The following ELAPOR2 variants were observed in gnomAD, a reference collection of about 807,000 sequenced individuals.
ELAPOR2 encodes endosome/lysosome-associated apoptosis and autophagy regulator family member 2.
Under a neutral mutation model 120.7 loss-of-function variants are expected in ELAPOR2, and 89 were observed. The observed-to-expected ratio is 0.74, with a 90% CI of 0.62 to 0.88. ELAPOR2 has a LOEUF of 0.88. ELAPOR2 is among the 40% of genes least tolerant of loss of function. The pLI is 0.00. For missense variants in ELAPOR2, 1,134 were observed against 1,251.6 expected, an observed-to-expected ratio of 0.91 and a Z score of 1.42; for synonymous variants, 444 against 444.9, an observed-to-expected ratio of 1.00 and a Z score of 0.03.
At chr7:86,984,280 G>C (rs1415159878) in intron 1 of ELAPOR2, among the ~76,000 whole-genome samples, 1 of 152,118 alleles carries the variant, frequency 6.6e-6, no homozygotes. Flanking sequence ...AGATCAATGA[G>C]ACAGAAGGTT....
chr7:86,996,857 G>C (rs141200730), intron 1 of ELAPOR2, among the ~76,000 whole-genome samples: 3,028 of 152,218 alleles, frequency 0.02, 39 homozygotes, highest in Middle Eastern at 0.041. Context: ...TTTTATCCTA[G>C]ATACATTCTG....
intron 2 of ELAPOR2, among the ~76,000 whole-genome samples, chr7:86,948,702 TACG>T (rs1791107573): frequency 6.6e-6 from 1 of 151,894 alleles, no homozygotes; most frequent in Non-Finnish European, 1.5e-5. Flanking sequence ...AGATACTAGA[TACG>T]ACAATGTGAA....
chr7:86,880,853 G>A (rs1195029738), intron 21 of ELAPOR2, among the ~76,000 whole-genome samples: 1 of 151,478 alleles, frequency 6.6e-6, no homozygotes, highest in African/African-American at 2.4e-5. Flanking sequence ...CCTGACCTGA[G>A]TGCTGAAATC....
intron 1 of ELAPOR2, among the ~76,000 whole-genome samples, chr7:86,985,170 T>A (rs1210105474): frequency 6.6e-6 from 1 of 152,132 alleles, no homozygotes; most frequent in Admixed American, 6.5e-5. Context: ...AATAGACCAA[T>A]AACAGGCTCT....
intron 18 of ELAPOR2, 83 bp downstream of exon 18, chr7:86,907,587 T>C (rs1422720665): frequency 2.2e-5 from 19 of 880,204 alleles, no homozygotes; most frequent in African/African-American, 3.6e-5. Flanking sequence ...TTTATGTTCA[T>C]AGAGAATATG....
At chr7:87,033,784 AT>A in intron 1 of ELAPOR2, among the ~76,000 whole-genome samples, 1 of 152,118 alleles carries the variant, frequency 6.6e-6, no homozygotes, top group Middle Eastern at 3.4e-3. Context: ...TACAAAAAAA[AT>A]CAATAGTGTA....
At chr7:87,012,856 C>A (rs1015803942) in intron 1 of ELAPOR2, among the ~76,000 whole-genome samples, 2 of 152,170 alleles carry the variant, frequency 1.3e-5, no homozygotes, top group Non-Finnish European at 2.9e-5. Flanking sequence ...CAGCCTGCCA[C>A]TGCTGTGTGA....
intron 12 of ELAPOR2, among the ~76,000 whole-genome samples, chr7:86,918,187 GC>G (rs1789651737): frequency 2.0e-5 from 3 of 151,284 alleles, no homozygotes; most frequent in African/African-American, 7.3e-5. Context: ...ATATTCCCTG[GC>G]CTCTATCAGT....
chr7:86,898,614 C>G (rs1349764002), intron 18 of ELAPOR2, among the ~76,000 whole-genome samples: 1 of 144,862 alleles, frequency 6.9e-6, no homozygotes, highest in African/African-American at 2.6e-5. Context: ...GAAATGATAC[C>G]TAAGCTGAGT....
chr7:86,945,703 T>A (rs761511954), intron 3 of ELAPOR2, among the ~76,000 whole-genome samples: 3 of 152,186 alleles, frequency 2.0e-5, no homozygotes, highest in Non-Finnish European at 4.4e-5. Context: ...GGTACAATAA[T>A]AACTCTATGT....
At chr7:86,960,289 C>T (rs895122692) in intron 2 of ELAPOR2, among the ~76,000 whole-genome samples, 4 of 152,176 alleles carry the variant, frequency 2.6e-5, no homozygotes, top group Admixed American at 6.5e-5. Context: ...CTCACTCTGT[C>T]GCCCAGGCTG....
rs531527285 is a variant in ELAPOR2 at position 86,971,455 on chromosome 7, AC to A, written c.190-6432del. On this transcript the variant is annotated intron_variant, in intron 1 of 21. Coordinates refer to ENST00000450689, the MANE Select transcript of ELAPOR2 (RefSeq NM_001142749.3). ...AATAATATTAGAAATATGAACTAAA[AC>A]CCTCATCGAAGATAATGAGGAAAAT... is the stretch of plus-strand genomic sequence containing the variant. 1.6e-3 allele frequency among the ~76,000 whole-genome samples: 238 copies of A among 152,304 alleles called. 1 individual carries two copies. The highest frequency in any genetic ancestry group is 5.3e-3 in the African/African-American group (219 of 41,576).
chr7:86,880,430 GT>G lies in ELAPOR2; in HGVS notation c.*40del. On this transcript the variant is annotated 3_prime_UTR_variant, in exon 22 of 22. Transcript: ENST00000450689. ...ATATGGTCCTGTAAAACTAGAGCAG[GT>G]TTCTTTGTTCATTAGTCTCAAGGCT... is the stretch of plus-strand genomic sequence containing the variant. The G allele has an allele frequency of 7.0e-7, 1 of 1,431,216 alleles. No individual in the cohort carries two copies. Among genetic ancestry groups the G allele is most frequent in the Non-Finnish European group, 9.9e-7 (1 of 1,014,824 alleles). The allele number at this position is 1,431,216 out of a possible 1,614,324, so 88.7% of individuals were successfully genotyped here. A position where few individuals can be genotyped will look rare whatever the true frequency, so the allele number is the denominator to read the frequency against.
intron 4 of ELAPOR2, among the ~76,000 whole-genome samples, chr7:86,943,311 A>G (rs1790876451): frequency 6.6e-6 from 1 of 151,524 alleles, no homozygotes; most frequent in African/African-American, 2.4e-5. Context: ...TAAAAAAAAA[A>G]ATAGAAGGGC....
At chr7:86,905,070 A>AGAGAAGGAAGGAAG (rs1788912193) in intron 18 of ELAPOR2, among the ~76,000 whole-genome samples, 1 of 98,148 alleles carries the variant, frequency 1.0e-5, no homozygotes, top group Non-Finnish European at 2.0e-5. Flanking sequence ...ACAGAGAGAG[A>AGAGAAGGAAGGAAG]GAAGGAAGGA....
intron 1 of ELAPOR2, among the ~76,000 whole-genome samples, chr7:87,052,355 T>G (rs1795133367): frequency 6.6e-6 from 1 of 152,198 alleles, no homozygotes; most frequent in Non-Finnish European, 1.5e-5. Context: ...CCACTGGATC[T>G]CAAGAAACTT....
At chr7:86,900,573 T>C (rs1214096821) in intron 18 of ELAPOR2, among the ~76,000 whole-genome samples, 2 of 152,226 alleles carry the variant, frequency 1.3e-5, no homozygotes, top group African/African-American at 4.8e-5. Flanking sequence ...TTTATAAAGC[T>C]GCTGTTAGGT....
intron 1 of ELAPOR2, among the ~76,000 whole-genome samples, chr7:87,050,441 C>G (rs529848578): frequency 2.6e-4 from 40 of 152,226 alleles, no homozygotes; most frequent in Non-Finnish European, 3.8e-4. Context: ...CCTGCTTTTA[C>G]CATGTGATGT....
rs142408110 is a variant in ELAPOR2, at chr7:86,981,984, C to A, written c.190-16960G>T. Among the ~76,000 whole-genome samples, 711 of 152,374 alleles carry A rather than the reference C, an allele frequency of 4.7e-3. 5 individuals carry two copies. Among genetic ancestry groups the A allele is most frequent in the African/African-American group, 0.012 (519 of 41,586 alleles). On this transcript the variant is annotated intron_variant, in intron 1 of 21. Transcript: ENST00000450689. The stretch of plus-strand genomic sequence containing the variant: ...TACTGCGCTTTCCCAATGGTCTTAG[C>A]AAACGGCAAGCCAAGAGATTATATC...
Sources: allele counts gnomAD v4.1 joint callset (sites outside exome capture counted in the v4.1 genomes callset), GRCh38; gene constraint gnomAD v4.1.1; transcripts MANE v1.5; gene names NCBI Gene and HGNC (gene_info 2026-07-23, HGNC 2026-07-21).